Variants in WDR88 observed in about 807,000 individuals in gnomAD.
WDR88 encodes the protein WD repeat-containing protein 88.
WDR88 carries 40 observed loss-of-function variants against 46.8 expected under a neutral mutation model. The ratio of observed to expected loss-of-function variants is 0.86; its 90% CI spans 0.66 to 1.11. WDR88 has a LOEUF of 1.11. WDR88 is among the 50% of genes most tolerant of loss of function. The pLI is 0.00. For synonymous variants in WDR88, 235 were observed against 240.7 expected, an observed-to-expected ratio of 0.98 and a Z score of 0.22; for missense variants, 562 against 602.4, an observed-to-expected ratio of 0.93 and a Z score of 0.70.
At chr19:33,159,339 T>A (rs1244067240) in intron 7 of WDR88, among the ~76,000 whole-genome samples, 1 of 52,584 alleles carries the variant, frequency 1.9e-5, no homozygotes, top group African/African-American at 2.6e-4. Context: ...TCTCTAAAAA[T>A]AAATAAATAA....
intron 10 of WDR88, among the ~76,000 whole-genome samples, chr19:33,173,883 C>T (rs551196996): frequency 5.3e-5 from 8 of 152,324 alleles, no homozygotes; most frequent in South Asian, 2.1e-4. Flanking sequence ...TGGAGTCTCG[C>T]TCTGTCGCCC....
Position 33,132,401 on chromosome 19 carries a change from G to A in WDR88, c.232G>A (p.Val78Met), listed in dbSNP as rs755933546. Residue 78 changes from valine (V) to methionine (M), a missense_variant, in exon 1 of 11, where the codon GTG (valine) becomes ATG (methionine). Physicochemically the swap from Val to Met is conservative, Grantham distance 21. Transcript: ENST00000355868. ...GCATCTGTTGCCTGAGAAGCACCAG[G>A]TGCCGGAGAAATTGATCTGGGGCGA... ...PPHLLPEKHQ[V>M]PEKLIWGDQD... The A allele has an allele frequency of 3.1e-6, 5 of 1,614,126 alleles. No individual in the cohort carries two copies. The East Asian group carries it at 1.1e-4, about 36-fold the overall frequency.
At chr19:33,134,711 G>GA (rs910895889) in intron 1 of WDR88, among the ~76,000 whole-genome samples, 1 of 152,016 alleles carries the variant, frequency 6.6e-6, no homozygotes, top group Non-Finnish European at 1.5e-5. Flanking sequence ...CTCCCCCGGA[G>GA]AAAAGCCCGG....
At chr19:33,139,083 A>T (rs1431549705) in intron 2 of WDR88, among the ~76,000 whole-genome samples, 1 of 152,170 alleles carries the variant, frequency 6.6e-6, no homozygotes, top group African/African-American at 2.4e-5. Context: ...AGCTCCATCC[A>T]CAGAGACTGG....
rs936541723 is a variant in WDR88 at position 33,172,568 on chromosome 19, C to A, written c.1242+128C>A. On this transcript the variant is annotated intron_variant, in intron 10 of 10. Transcript: ENST00000355868. Reference sequence around the variant, plus strand: ...TGAACAAACAGACTGACATTTTTGCCCCAGGGGAGCTTAAATTCTAAGAGA... The same window carrying A: ...TGAACAAACAGACTGACATTTTTGCACCAGGGGAGCTTAAATTCTAAGAGA... 9 of 714,578 alleles carry A rather than the reference C, an allele frequency of 1.3e-5. No individual in the cohort carries two copies. The African/African-American group carries it at 1.4e-4, about 11-fold the overall frequency. 44.3% of individuals were successfully genotyped at this position (714,578 alleles called of 1,614,324 possible). A position where few individuals can be genotyped will look rare whatever the true frequency, so the allele number is the denominator to read the frequency against.
At chr19:33,133,173 A>G (rs1320854806) in intron 1 of WDR88, among the ~76,000 whole-genome samples, 7 of 96,386 alleles carry the variant, frequency 7.3e-5, no homozygotes, top group African/African-American at 2.2e-4. Flanking sequence ...ATAAATAAAT[A>G]AATAAATAAA....
intron 10 of WDR88, among the ~76,000 whole-genome samples, 158 bp downstream of exon 10, chr19:33,172,598 AC>A (rs1974056801): frequency 1.3e-5 from 2 of 152,218 alleles, no homozygotes; most frequent in South Asian, 4.1e-4. Context: ...AAGAGAGGAA[AC>A]AAAGAGGAAA....
At chr19:33,162,550 C>G (rs572338961) in intron 8 of WDR88, among the ~76,000 whole-genome samples, 2 of 152,192 alleles carry the variant, frequency 1.3e-5, no homozygotes, top group Admixed American at 6.6e-5. Context: ...AAACACCCCA[C>G]TCCTTCTCTG....
chr19:33,157,567 ATATATGTG>A (rs1973766173), intron 7 of WDR88, among the ~76,000 whole-genome samples: 3 of 144,758 alleles, frequency 2.1e-5, no homozygotes, highest in Non-Finnish European at 4.5e-5. Flanking sequence ...ATATATATGT[ATATATGTG>A]TATATATATG....
intron 7 of WDR88, among the ~76,000 whole-genome samples, chr19:33,157,563 A>ATGTATATATG (rs1479091047): frequency 7.0e-6 from 1 of 143,334 alleles, no homozygotes; most frequent in Non-Finnish European, 1.5e-5. Flanking sequence ...GTATATATAT[A>ATGTATATATG]TGTATATATG....
intron 6 of WDR88, among the ~76,000 whole-genome samples, chr19:33,152,790 C>A (rs1401440063): frequency 6.6e-6 from 1 of 151,918 alleles, no homozygotes; most frequent in Admixed American, 6.6e-5. Flanking sequence ...TTAGTAGAGA[C>A]GGGGTTTCAT....
chr19:33,154,323 G>A (rs963906772), intron 6 of WDR88, among the ~76,000 whole-genome samples: 1 of 152,036 alleles, frequency 6.6e-6, no homozygotes, highest in Non-Finnish European at 1.5e-5. Flanking sequence ...CGTCATCTAG[G>A]TTTTAAGCCC....
chr19:33,141,153 T>C (rs1973382840), intron 2 of WDR88, among the ~76,000 whole-genome samples: 1 of 151,060 alleles, frequency 6.6e-6, no homozygotes, highest in Admixed American at 6.6e-5. Context: ...CCCAGGCTGG[T>C]CTCAAACTCC....
chr19:33,150,064 G>C (rs1973601905), intron 5 of WDR88, among the ~76,000 whole-genome samples: 1 of 152,190 alleles, frequency 6.6e-6, no homozygotes, highest in African/African-American at 2.4e-5. Flanking sequence ...CTGGGTGAAG[G>C]ACATGGGTGA....
chr19:33,141,616 C>A (rs1317356364), intron 2 of WDR88, among the ~76,000 whole-genome samples: 2 of 152,202 alleles, frequency 1.3e-5, no homozygotes, highest in African/African-American at 4.8e-5. Context: ...TTCCCAGCTT[C>A]TCTGTACATT....
At chr19:33,134,957 A>G (rs1338863976) in intron 1 of WDR88, among the ~76,000 whole-genome samples, 1 of 141,130 alleles carries the variant, frequency 7.1e-6, no homozygotes, top group Non-Finnish European at 1.5e-5. Context: ...ACTGCCTTCC[A>G]GGCCACACCC....
intron 3 of WDR88, among the ~76,000 whole-genome samples, chr19:33,145,207 T>A (rs1467894167): frequency 6.6e-6 from 1 of 151,990 alleles, no homozygotes; most frequent in East Asian, 1.9e-4. Flanking sequence ...CAGGCTGGAG[T>A]GCAGTGGTGC....
In WDR88 at chr19:33,132,189, G is replaced by T. The variant is rs1206534877; in HGVS notation, c.20G>T (p.Cys7Phe). MASPPR[C>F]SPTAHDRECK... The stretch of plus-strand genomic sequence containing the variant: ...TTCGAGATGGCCTCCCCGCCGCGGT[G>T]CTCCCCGACAGCCCATGACAGGGAA... The change falls in exon 1 of 11, where the codon TGC (cysteine) becomes TTC (phenylalanine). Residue 7 changes from cysteine to phenylalanine, a missense_variant. Coordinates refer to ENST00000355868, the MANE Select transcript of WDR88 (RefSeq NM_173479.4). 1.9e-6 allele frequency: 3 copies of T among 1,599,760 alleles called. No individual in the cohort carries two copies. The highest frequency in any genetic ancestry group is 2.6e-6 in the Non-Finnish European group (3 of 1,175,684).
At chr19:33,132,521 A>AC in intron 1 of WDR88, 76 bp downstream of exon 1, 1 of 1,559,024 alleles carries the variant, frequency 6.4e-7, no homozygotes, top group Non-Finnish European at 8.7e-7. Flanking sequence ...CTGTCGGGGG[A>AC]CCCATGGAAA....
Sources: gnomAD v4.1 joint callset for allele counts (sites outside exome capture counted in the v4.1 genomes callset) on GRCh38, gnomAD v4.1.1 for gene constraint, MANE v1.5 for transcripts, NCBI Gene and HGNC (gene_info 2026-07-23, HGNC 2026-07-21) for gene names.